The following GPC6 variants were observed in gnomAD, a reference collection of about 807,000 sequenced individuals.
The protein encoded by GPC6 is glypican-6.
GPC6 carries 14 observed loss-of-function variants against 55.2 expected under a neutral mutation model. That is an observed-to-expected ratio of 0.25 (90% CI 0.17 to 0.40). The LOEUF (loss-of-function observed/expected upper bound fraction) is 0.40. GPC6 is among the 10% of genes least tolerant of loss of function. GPC6 has a pLI of 1.00. For missense variants in GPC6, 641 were observed against 708.5 expected, an observed-to-expected ratio of 0.90 and a Z score of 1.08; for synonymous variants, 278 against 259.6, an observed-to-expected ratio of 1.07 and a Z score of -0.68.
chr13:94,296,606 T>C (rs955012797), intron 5 of GPC6, among the ~76,000 whole-genome samples: 1 of 152,234 alleles, frequency 6.6e-6, no homozygotes, highest in Admixed American at 6.5e-5. Flanking sequence ...TTCTGTGTGG[T>C]GATATGCAAT....
intron 1 of GPC6, among the ~76,000 whole-genome samples, chr13:93,335,749 G>C (rs376050401): frequency 7.2e-5 from 11 of 152,164 alleles, no homozygotes; most frequent in African/African-American, 1.9e-4. Flanking sequence ...AAGTTCCTGT[G>C]GGCATTTGAG....
At chr13:93,387,607 A>G (rs1414336772) in intron 1 of GPC6, among the ~76,000 whole-genome samples, 3 of 152,182 alleles carry the variant, frequency 2.0e-5, no homozygotes, top group African/African-American at 7.2e-5. Context: ...GGAAAATGGG[A>G]TAAAGACAGT....
chr13:93,627,686 G>A (rs1879259866), intron 2 of GPC6, among the ~76,000 whole-genome samples: 1 of 122,782 alleles, frequency 8.1e-6, no homozygotes, highest in South Asian at 2.6e-4. Context: ...GCTGTTATTA[G>A]GTTTCTATTA....
chr13:93,702,082 G>T (rs1308076277), intron 2 of GPC6, among the ~76,000 whole-genome samples: 1 of 151,934 alleles, frequency 6.6e-6, no homozygotes, highest in African/African-American at 2.4e-5. Flanking sequence ...TCCATCAGAG[G>T]AATCACTATC....
At chr13:93,440,228 C>T (rs1000085296) in intron 1 of GPC6, among the ~76,000 whole-genome samples, 1 of 152,144 alleles carries the variant, frequency 6.6e-6, no homozygotes, top group Non-Finnish European at 1.5e-5. Context: ...ATTTCTTCAA[C>T]CACTTGGATA....
At chr13:93,328,456 T>C (rs970887029) in intron 1 of GPC6, among the ~76,000 whole-genome samples, 1 of 152,102 alleles carries the variant, frequency 6.6e-6, no homozygotes, top group African/African-American at 2.4e-5. Flanking sequence ...CAAGGATCGC[T>C]TGAGCCCAGG....
chr13:93,478,395 A>G (rs1879380457), intron 1 of GPC6, among the ~76,000 whole-genome samples: 1 of 152,164 alleles, frequency 6.6e-6, no homozygotes, highest in Non-Finnish European at 1.5e-5. Context: ...ATTTCTCAGA[A>G]TGTCTTCACC....
chr13:94,172,076 C>A (rs948438383), intron 4 of GPC6, among the ~76,000 whole-genome samples: 12 of 152,110 alleles, frequency 7.9e-5, no homozygotes, highest in Non-Finnish European at 1.3e-4. Flanking sequence ...AAATTGCACA[C>A]ACAGAGTCCT....
In GPC6 at chr13:93,946,238, A is replaced by G. The variant is rs573573423; in HGVS notation, c.712-81491A>G. Among the ~76,000 whole-genome samples, 11 of 152,342 alleles carry G rather than the reference A, an allele frequency of 7.2e-5. 1 individual carries two copies. The South Asian group carries it at 2.3e-3, about 32-fold the overall frequency. On this transcript the variant is annotated intron_variant, in intron 3 of 8. Transcript: ENST00000377047. ...AGATACAATTCACACAGACAACCTC[A>G]AAAACATAGGTAGTGGTAAAATGTA...
chr13:94,264,524 A>G (rs1354312041), intron 4 of GPC6, among the ~76,000 whole-genome samples: 1 of 152,190 alleles, frequency 6.6e-6, no homozygotes, highest in Non-Finnish European at 1.5e-5. Context: ...TTTGCTATGC[A>G]TTAGATGTTG....
At chr13:94,186,329 A>T (rs1198689076) in intron 4 of GPC6, among the ~76,000 whole-genome samples, 1 of 152,164 alleles carries the variant, frequency 6.6e-6, no homozygotes, top group East Asian at 1.9e-4. Flanking sequence ...GCTTTTGAAA[A>T]ACTAAAAGAA....
chr13:93,368,304 CT>C (rs1463694078), intron 1 of GPC6, among the ~76,000 whole-genome samples: 1 of 139,010 alleles, frequency 7.2e-6, no homozygotes, highest in Non-Finnish European at 1.6e-5. Context: ...TCCCTCTCTC[CT>C]TCCCTCCTTC....
In GPC6 at chr13:94,097,860, C is replaced by T. The variant is rs570953989; in HGVS notation, c.877+69966C>T. 2.3e-3 allele frequency among the ~76,000 whole-genome samples: 351 copies of T among 152,238 alleles called. 3 individuals carry two copies. Among genetic ancestry groups the T allele is most frequent in the Non-Finnish European group, 3.0e-3 (206 of 68,006 alleles). ...ATTTTAATTTGGGATAATCAAGTGT[C>T]ACAGACCTATTGACTACTACAACCA... On this transcript the variant is annotated intron_variant, in intron 4 of 8. Transcript: ENST00000377047.
intron 1 of GPC6, among the ~76,000 whole-genome samples, chr13:93,539,862 T>G (rs934395388): frequency 6.6e-6 from 1 of 152,040 alleles, no homozygotes; most frequent in African/African-American, 2.4e-5. Context: ...CGGCTAATTT[T>G]GTATTTTTAG....
chr13:94,021,458 T>A (rs1006722076), intron 3 of GPC6, among the ~76,000 whole-genome samples: 1 of 152,036 alleles, frequency 6.6e-6, no homozygotes, highest in Non-Finnish European at 1.5e-5. Flanking sequence ...GCTAAGAACA[T>A]GCTATACCTC....
chr13:93,872,914 C>A (rs912750258), intron 3 of GPC6, among the ~76,000 whole-genome samples: 1 of 151,882 alleles, frequency 6.6e-6, no homozygotes, highest in Non-Finnish European at 1.5e-5. Flanking sequence ...ATTTATTTTT[C>A]AAAATCTGAA....
chr13:93,701,854 C>CA (rs1882681647), intron 2 of GPC6, among the ~76,000 whole-genome samples: 1 of 152,022 alleles, frequency 6.6e-6, no homozygotes, highest in South Asian at 2.1e-4. Flanking sequence ...TCAGCCTCCA[C>CA]TTCTAACTCT....
At chr13:94,306,338 A>G (rs992011912) in intron 6 of GPC6, 4 of 648,670 alleles carry the variant, frequency 6.2e-6, no homozygotes, top group Admixed American at 2.3e-5. Flanking sequence ...TTAAGAAACT[A>G]TTAATGCATG....
At chr13:94,061,436 A>C (rs1228062972) in intron 4 of GPC6, among the ~76,000 whole-genome samples, 2 of 152,204 alleles carry the variant, frequency 1.3e-5, no homozygotes, top group African/African-American at 2.4e-5. Flanking sequence ...AGATGAACAA[A>C]AGTGACAGAC....
Sources: gnomAD v4.1 joint callset for allele counts (sites outside exome capture counted in the v4.1 genomes callset) on GRCh38, gnomAD v4.1.1 for gene constraint, MANE v1.5 for transcripts, NCBI Gene and HGNC (gene_info 2026-07-23, HGNC 2026-07-21) for gene names.